The following NBPF9 variants were observed in gnomAD, a reference collection of about 807,000 sequenced individuals.
The protein encoded by NBPF9 is NBPF member 9.
A neutral mutation model predicts 97.8 loss-of-function variants in NBPF9; 91 were observed. The observed-to-expected ratio is 0.93, with a 90% CI of 0.79 to 1.11. The LOEUF (loss-of-function observed/expected upper bound fraction) is 1.11, where lower values mean the gene tolerates loss of function less well. NBPF9 is among the 50% of genes least tolerant of loss of function. NBPF9 has a pLI of 0.00. For synonymous variants in NBPF9, 334 were observed against 359.5 expected, an observed-to-expected ratio of 0.93 and a Z score of 0.80; for missense variants, 992 against 939.5, an observed-to-expected ratio of 1.06 and a Z score of -0.73.
chr1:149,070,660 G>A (rs1279025847), intron 16 of NBPF9, among the ~76,000 whole-genome samples: 6 of 151,798 alleles, frequency 4.0e-5, no homozygotes, highest in Non-Finnish European at 7.4e-5. Flanking sequence ...ATACTGAATC[G>A]AAGCTAGGAG....
intron 27 of NBPF9, among the ~76,000 whole-genome samples, chr1:149,057,744 C>A (rs61807986): frequency 9.6e-6 from 1 of 103,916 alleles, no homozygotes; most frequent in East Asian, 3.4e-4. Flanking sequence ...CACACACACA[C>A]ACACACACAG....
At chr1:149,081,736 T>C (rs1311142259) in intron 7 of NBPF9, among the ~76,000 whole-genome samples, 3 of 135,920 alleles carry the variant, frequency 2.2e-5, no homozygotes, top group Non-Finnish European at 4.7e-5. Context: ...AATCAATAAC[T>C]GTGAGTTTAA....
chr1:149,067,268 T>A (rs1394170110), intron 17 of NBPF9, among the ~76,000 whole-genome samples: 1 of 122,584 alleles, frequency 8.2e-6, no homozygotes, highest in African/African-American at 3.2e-5. Flanking sequence ...TTTTTCCATA[T>A]GTATAGTTTT....
Position 149,071,045 on chromosome 1 carries a change from TG to T in NBPF9, c.1473del (p.Asn492ThrfsTer97). 6.2e-7 allele frequency: 1 copy of T among 1,611,574 alleles called. No homozygotes were observed. On this transcript the variant is annotated frameshift_variant, in exon 16 of 30. Transcript: ENST00000584027. LOFTEE classifies it high-confidence loss of function. ...ATTTTGGTTTTCCTATGTGGCTGGT[TG>T]GAGTCATAAGGGCCATGGCTATTTG...
rs1157992196 is a variant in NBPF9, at chr1:149,082,957, C to CTTTTTTTTTTTTTTTTTT, written c.-194-545_-194-528dup. 1.2e-3 allele frequency among the ~76,000 whole-genome samples: 81 copies of CTTTTTTTTTTTTTTTTTT among 66,456 alleles called. 1 individual carries two copies. Among genetic ancestry groups the CTTTTTTTTTTTTTTTTTT allele is most frequent in the East Asian group, 1.9e-3 (3 of 1,610 alleles). The allele number at this position is 66,456 out of a possible 152,430, so 43.6% of individuals were successfully genotyped here. A position where few individuals can be genotyped will look rare whatever the true frequency, so the allele number is the denominator to read the frequency against. On this transcript the variant is annotated intron_variant, in intron 5 of 29. Coordinates refer to ENST00000584027, the Ensembl canonical transcript of NBPF9. ...ACCACGCCTGGCTAATTTTTCTTTT[C>CTTTTTTTTTTTTTTTTTT]TTTTTTTTTTTTTTTTTTTTTTTTT...
intron 11 of NBPF9, among the ~76,000 whole-genome samples, chr1:149,076,076 T>C (rs1379535954): frequency 6.6e-6 from 1 of 152,136 alleles, no homozygotes; most frequent in Non-Finnish European, 1.5e-5. Context: ...TAAACACTTC[T>C]ACACTTTTCT....
In NBPF9 at chr1:149,065,601, C is replaced by T. The variant is rs782134747; in HGVS notation, c.1726G>A (p.Ala576Thr). The change falls in exon 18 of 30, where the codon GCC becomes ACC. Residue 576 changes from alanine to threonine, a missense_variant. Ala to Thr is a moderately conservative substitution (Grantham distance 58, BLOSUM62 0). This residue lies in a region of NBPF9 where 151 missense variants were observed against 132.8 expected (regional missense o/e 1.14). Coordinates refer to ENST00000584027, the Ensembl canonical transcript of NBPF9. ...GTGCTGCTGTAAGACTTGTACGAGG[C>T]CAACATTTCAGGAGGAATTGAGGGA... 7 of 1,608,090 alleles carry T rather than the reference C, an allele frequency of 4.4e-6. No homozygotes were observed. The South Asian group carries it at 4.4e-5, about 10-fold the overall frequency.
intron 18 of NBPF9, chr1:149,064,716 C>T (rs2078914234): frequency 1.6e-6 from 1 of 618,646 alleles, no homozygotes; most frequent in South Asian, 1.9e-5. Flanking sequence ...TCCCTATGTG[C>T]TCTGTCCTAG....
intron 17 of NBPF9, among the ~76,000 whole-genome samples, chr1:149,069,299 CA>C (rs1342280448): frequency 2.0e-5 from 3 of 151,834 alleles, no homozygotes; most frequent in African/African-American, 7.2e-5. Flanking sequence ...GATAGAGACG[CA>C]AAAAACCCTT....
chr1:149,061,956 T>C, intron 22 of NBPF9, 137 bp downstream of exon 22: 1 of 537,068 alleles, frequency 1.9e-6, no homozygotes, highest in South Asian at 1.8e-5. Flanking sequence ...ACAGTTTCAT[T>C]ACAACCTATA....
At chr1:149,083,031 G>A (rs587723923) in intron 5 of NBPF9, among the ~76,000 whole-genome samples, 13 of 129,918 alleles carry the variant, frequency 1.0e-4, no homozygotes, top group Non-Finnish European at 1.5e-4. Context: ...CGATGGTCTC[G>A]ATCTCCTGAC....
In NBPF9 at chr1:149,076,760, G is replaced by A. The variant is rs587714970; in HGVS notation, c.778+448C>T. ...CCTGACCTCCTGATCCACCCACCTC[G>A]GCCTCCCAAAGTGCTCGGATTACAG... is the stretch of plus-strand genomic sequence containing the variant. On this transcript the variant is annotated intron_variant, in intron 11 of 29. Coordinates refer to ENST00000584027, the Ensembl canonical transcript of NBPF9. Among the ~76,000 whole-genome samples the A allele has an allele frequency of 2.0e-5, 3 of 149,986 alleles. 1 individual carries two copies. The highest frequency in any genetic ancestry group is 4.5e-5 in the Non-Finnish European group (3 of 67,334).
intron 15 of NBPF9, among the ~76,000 whole-genome samples, chr1:149,071,394 G>A (rs1322166771): frequency 2.0e-5 from 3 of 149,452 alleles, no homozygotes; most frequent in African/African-American, 2.5e-5. Context: ...TGAAGACTCA[G>A]CTATCCTTGT....
rs1358122635 is a variant in NBPF9 at position 149,097,596 on chromosome 1, G to A, written c.-337+842C>T. Among the ~76,000 whole-genome samples, 1,008 of 152,204 alleles carry A rather than the reference G, an allele frequency of 6.6e-3. 4 individuals carry two copies. Among genetic ancestry groups the A allele is most frequent in the South Asian group, 0.027 (129 of 4,820 alleles). ...CTCACTGGACTTCCCTCCTTGCACT[G>A]GCTCCCACTCCCCCAGGACCTGGTG... On this transcript the variant is annotated intron_variant, in intron 4 of 29. Coordinates refer to ENST00000584027, the Ensembl canonical transcript of NBPF9.
intron 10 of NBPF9, among the ~76,000 whole-genome samples, 197 bp downstream of exon 10, chr1:149,077,686 T>G (rs1243849566): frequency 6.6e-6 from 1 of 152,094 alleles, no homozygotes; most frequent in Non-Finnish European, 1.5e-5. Context: ...TATCCCTGTA[T>G]GGTACAGACA....
At chr1:149,086,591 G>A (rs2081021314) in intron 5 of NBPF9, among the ~76,000 whole-genome samples, 1 of 152,180 alleles carries the variant, frequency 6.6e-6, no homozygotes, top group Non-Finnish European at 1.5e-5. Context: ...TCCAGAGGAA[G>A]GTCTTCAGGA....
intron 3 of NBPF9, among the ~76,000 whole-genome samples, chr1:149,099,437 T>C (rs2082001065): frequency 6.6e-6 from 1 of 152,256 alleles, no homozygotes; most frequent in African/African-American, 2.4e-5. Flanking sequence ...TTGAATATGG[T>C]ATATTAGTAT....
At chr1:149,074,371 C>T (rs1441309476) in intron 12 of NBPF9, among the ~76,000 whole-genome samples, 1 of 151,386 alleles carries the variant, frequency 6.6e-6, no homozygotes, top group Admixed American at 6.6e-5. Context: ...TTTTAAGAAT[C>T]ATATCTGAAG....
At chr1:149,079,303 T>A (rs322080) in intron 8 of NBPF9, 82 bp from the exon 9 acceptor site, 15 of 1,324,286 alleles carry the variant, frequency 1.1e-5, no homozygotes, top group African/African-American at 6.2e-5. Flanking sequence ...ACTTCTGAGA[T>A]AATGTCCTCA....
Sources: gnomAD v4.1 joint callset for allele counts (sites outside exome capture counted in the v4.1 genomes callset) on GRCh38, gnomAD v4.1.1 for gene constraint, gnomAD v4.1.1 regional missense constraint, MANE v1.5 for transcripts, NCBI Gene and HGNC (gene_info 2026-07-23, HGNC 2026-07-21) for gene names.